The following COL27A1 variants were observed in gnomAD, a reference collection of about 807,000 sequenced individuals.
The protein encoded by COL27A1 is collagen alpha-1(XXVII) chain.
Under a neutral mutation model 251.3 loss-of-function variants are expected in COL27A1, and 106 were observed. That is an observed-to-expected ratio of 0.42 (90% confidence interval 0.36 to 0.50). COL27A1 has a LOEUF of 0.50. Among genes scored for constraint, COL27A1 ranks in the 20% least tolerant of loss-of-function variants. COL27A1 has a pLI of 0.00. For missense variants in COL27A1, 2,325 were observed against 2,522.8 expected (o/e 0.92, Z 1.68); for synonymous variants, 1,000 against 986.3 (o/e 1.01, Z -0.26).
chr9:114,184,071 C>T (rs952220640), intron 5 of COL27A1, among the ~76,000 whole-genome samples: 2 of 152,140 alleles, frequency 1.3e-5, no homozygotes, highest in Non-Finnish European at 2.9e-5. Context: ...AAGGAAGATG[C>T]TAAAGTCCCT....
intron 27 of COL27A1, among the ~76,000 whole-genome samples, chr9:114,254,702 C>T (rs1445772145): frequency 2.6e-5 from 4 of 152,100 alleles, no homozygotes; most frequent in South Asian, 2.1e-4. Context: ...AGGGGAAGCT[C>T]GCATAAACCT....
intron 39 of COL27A1, among the ~76,000 whole-genome samples, chr9:114,282,940 A>G (rs566305457): frequency 1.5e-4 from 23 of 152,292 alleles, no homozygotes; most frequent in Admixed American, 1.4e-3. Context: ...TAGATTCAGG[A>G]GGAATGGAGT....
intron 7 of COL27A1, among the ~76,000 whole-genome samples, chr9:114,201,023 G>A (rs973785958): frequency 6.6e-6 from 1 of 152,214 alleles, no homozygotes; most frequent in Non-Finnish European, 1.5e-5. Context: ...CCAGAAAGCA[G>A]CCCAGCCAGA....
At chr9:114,245,770 C>A in intron 23 of COL27A1, 96 bp from the exon 24 acceptor site, 1 of 1,153,182 alleles carries the variant, frequency 8.7e-7, no homozygotes, top group Non-Finnish European at 1.3e-6. Flanking sequence ...TTCATCCCCA[C>A]TAATGGCAGC....
In COL27A1 at chr9:114,200,559, G is replaced by A. The variant is rs79560344; in HGVS notation, c.2125-4543G>A. On this transcript the variant is annotated intron_variant, in intron 7 of 60. Coordinates refer to ENST00000356083, the MANE Select transcript of COL27A1 (RefSeq NM_032888.4). ...AAAATATACCTTCCTGCCTGGAGCC[G>A]TCTCAGGCATCCACGGAGCAGAGTT... 3.2e-3 allele frequency among the ~76,000 whole-genome samples: 493 copies of A among 152,322 alleles called. 4 individuals are homozygous for A. Among genetic ancestry groups the A allele is most frequent in the African/African-American group, 0.011 (468 of 41,574 alleles).
intron 4 of COL27A1, among the ~76,000 whole-genome samples, chr9:114,182,177 A>AAAAAATAATAATAATAATAATAAAAT (rs1827970127): frequency 7.2e-6 from 1 of 138,124 alleles, no homozygotes; most frequent in African/African-American, 2.6e-5. Flanking sequence ...CATCTCTATA[A>AAAAAATAATAATAATAATAATAAAAT]AATAATAATA....
In COL27A1 at chr9:114,168,395, G is replaced by T. The variant is rs139782831; in HGVS notation, c.840G>T (p.Gly280=). The T allele has an allele frequency of 2.6e-4, 415 of 1,613,434 alleles. 2 individuals are homozygous for T. In the African/African-American group the frequency reaches 4.6e-3, roughly 18 times the overall value. The change falls in exon 3 of 61, where the codon GGG becomes GGT. Residue 280 remains glycine, a synonymous_variant. Transcript: ENST00000356083. The part of the protein sequence containing the change: ...ENLTTATPAL[G]SLPAGRGPRG... Reference sequence around the variant, plus strand: ...TGACCACTGCCACACCAGCCCTGGGGTCACTGCCAGCAGGCAGGGGACCCA... The same window carrying T: ...TGACCACTGCCACACCAGCCCTGGGTTCACTGCCAGCAGGCAGGGGACCCA...
chr9:114,187,521 A>T (rs1276542200), intron 5 of COL27A1, among the ~76,000 whole-genome samples: 1 of 152,262 alleles, frequency 6.6e-6, no homozygotes, highest in East Asian at 1.9e-4. Flanking sequence ...GCCCAGTGTC[A>T]CATTTCTAGT....
At position 114,266,621 on chromosome 9, in the gene COL27A1, G is replaced by A; in HGVS notation, c.3447+3G>A. Reference sequence around the variant, plus strand: ...CTCCAGGAGAGATGGGACCCAAGGTGAGTGTGAGAGACCCTTATTCGTCCC... The same window carrying A: ...CTCCAGGAGAGATGGGACCCAAGGTAAGTGTGAGAGACCCTTATTCGTCCC... On this transcript the variant is annotated splice_donor_region_variant and intron_variant, in intron 33 of 60. Coordinates refer to ENST00000356083, the MANE Select transcript of COL27A1 (RefSeq NM_032888.4). 1.2e-6 allele frequency: 2 copies of A among 1,613,248 alleles called. No homozygotes were observed. Among genetic ancestry groups the A allele is most frequent in the Non-Finnish European group, 8.5e-7 (1 of 1,179,272 alleles).
chr9:114,166,988 C>T (rs373517503), intron 2 of COL27A1, among the ~76,000 whole-genome samples: 4 of 152,168 alleles, frequency 2.6e-5, no homozygotes, highest in African/African-American at 7.2e-5. Context: ...ATGGCAGCCC[C>T]GTAGCCTGCT....
At chr9:114,176,236 TCCACCTGGGA>T (rs1827428572) in intron 3 of COL27A1, among the ~76,000 whole-genome samples, 1 of 152,152 alleles carries the variant, frequency 6.6e-6, no homozygotes, top group South Asian at 2.1e-4. Flanking sequence ...TAATTCTGGG[TCCACCTGGGA>T]CAGTTGGGTC....
At chr9:114,201,809 G>A (rs988700382) in intron 7 of COL27A1, among the ~76,000 whole-genome samples, 13 of 152,140 alleles carry the variant, frequency 8.5e-5, no homozygotes, top group African/African-American at 2.7e-4. Context: ...CCAGGGAGGC[G>A]CATCTATAAG....
At chr9:114,257,496 C>T (rs999870333) in intron 27 of COL27A1, among the ~76,000 whole-genome samples, 5 of 152,158 alleles carry the variant, frequency 3.3e-5, no homozygotes, top group African/African-American at 7.2e-5. Flanking sequence ...GAGTGTCTGT[C>T]GTGCACCTGT....
At chr9:114,222,700 G>A (rs577216218) in intron 14 of COL27A1, among the ~76,000 whole-genome samples, 127 of 152,202 alleles carry the variant, frequency 8.3e-4, no homozygotes, top group Admixed American at 5.0e-3. Flanking sequence ...TAGCTGGCAG[G>A]GTGGTCTTTT....
At position 114,167,695 on chromosome 9, in the gene COL27A1, A is replaced by G; in HGVS notation, c.140A>G (p.Asp47Gly). 1 of 1,609,918 alleles carries G rather than the reference A, an allele frequency of 6.2e-7. No homozygotes were observed. Among genetic ancestry groups the G allele is most frequent in the Non-Finnish European group, 8.5e-7 (1 of 1,177,190 alleles). ...ASTQGAPEDV[D>G]ILQRLGLSWT... Reference sequence around the variant, plus strand: ...CCTTTTCCCTCCCTCTCAGATGTGGACATCCTCCAGCGGCTGGGCCTCAGC... The same window carrying G: ...CCTTTTCCCTCCCTCTCAGATGTGGGCATCCTCCAGCGGCTGGGCCTCAGC... Residue 47 changes from aspartate to glycine, a missense_variant, in exon 3 of 61, where the codon GAC becomes GGC. By Grantham distance (94) the Asp-to-Gly change is moderately conservative. Coordinates refer to ENST00000356083, the MANE Select transcript of COL27A1 (RefSeq NM_032888.4).
intron 5 of COL27A1, among the ~76,000 whole-genome samples, chr9:114,186,999 G>A (rs1043571191): frequency 6.6e-6 from 1 of 152,226 alleles, no homozygotes; most frequent in Non-Finnish European, 1.5e-5. Flanking sequence ...CCACTCTTGA[G>A]CAGCCAGCCA....
chr9:114,248,681 G>T (rs539783058), intron 24 of COL27A1, among the ~76,000 whole-genome samples: 1 of 152,162 alleles, frequency 6.6e-6, no homozygotes, highest in Non-Finnish European at 1.5e-5. Context: ...CCCCGGGGGG[G>T]TCCCAGGGGT....
intron 5 of COL27A1, among the ~76,000 whole-genome samples, chr9:114,185,062 G>T (rs988626055): frequency 2.0e-5 from 3 of 152,266 alleles, no homozygotes; most frequent in African/African-American, 7.2e-5. Flanking sequence ...CTCAGTACCA[G>T]GCCCATGGTA....
chr9:114,168,824 G>T lies in COL27A1; in HGVS notation c.1269G>T (p.Glu423Asp). The T allele has an allele frequency of 1.9e-6, 3 of 1,614,006 alleles. No individual in the cohort carries two copies. Among genetic ancestry groups the T allele is most frequent in the Middle Eastern group, 1.6e-4 (1 of 6,062 alleles). ...PVPARVSRPA[E>D]KPIQRNPGMP... ...CTGCCAGAGTCTCCCGTCCCGCAGA[G>T]AAGCCCATCCAGAGGAACCCGGGAA... is the stretch of plus-strand genomic sequence containing the variant. Residue 423 changes from glutamate (E) to aspartate (D), a missense_variant, in exon 3 of 61, where the codon GAG becomes GAT. Coordinates refer to ENST00000356083, the MANE Select transcript of COL27A1 (RefSeq NM_032888.4).
Sources: allele counts gnomAD v4.1 joint callset (sites outside exome capture counted in the v4.1 genomes callset), GRCh38; gene constraint gnomAD v4.1.1; transcripts MANE v1.5; gene names NCBI Gene and HGNC (gene_info 2026-07-23, HGNC 2026-07-21).